HLCS: variants seen among roughly 807,000 people sequenced by gnomAD.
The protein encoded by HLCS is biotin--protein ligase.
HLCS carries 53 observed loss-of-function variants against 75.0 expected under a neutral mutation model. The ratio of observed to expected loss-of-function variants is 0.71; its 90% CI spans 0.57 to 0.89. The LOEUF is 0.89. Among genes scored for constraint, HLCS ranks in the 40% least tolerant of loss-of-function variants. HLCS has a pLI of 0.00. For missense variants in HLCS, 966 were observed against 1,074.0 expected (o/e 0.90, Z 1.41); for synonymous variants, 431 against 428.6 (o/e 1.01, Z -0.07).
At chr21:36,939,074 T>G (rs2067023461) in intron 2 of HLCS, 80 bp from the exon 3 acceptor site, 1 of 1,352,570 alleles carries the variant, frequency 7.4e-7, no homozygotes, top group African/African-American at 1.5e-5. Context: ...CATACTTTAT[T>G]TTTCCCTTGA....
chr21:36,773,135 T>C (rs1000786420), intron 6 of HLCS, among the ~76,000 whole-genome samples: 2 of 152,254 alleles, frequency 1.3e-5, no homozygotes, highest in African/African-American at 4.8e-5. Context: ...ATTTTTATAA[T>C]TGTAGTGCAT....
At chr21:36,859,615 A>G (rs1017101693) in intron 6 of HLCS, among the ~76,000 whole-genome samples, 3 of 152,354 alleles carry the variant, frequency 2.0e-5, no homozygotes, top group East Asian at 1.9e-4. Context: ...GTCTGTCTCA[A>G]ACCCACAGCT....
chr21:36,984,870 C>CT (rs1330585198), intron 1 of HLCS, among the ~76,000 whole-genome samples: 1 of 143,276 alleles, frequency 7.0e-6, no homozygotes, highest in Non-Finnish European at 1.5e-5. Context: ...TTTTCTTTTT[C>CT]TTGTTTTTTT....
At chr21:36,882,355 T>C (rs1179821066) in intron 6 of HLCS, among the ~76,000 whole-genome samples, 2 of 152,096 alleles carry the variant, frequency 1.3e-5, no homozygotes, top group Non-Finnish European at 2.9e-5. Context: ...CCGGAGAGGC[T>C]GAGTGATTCA....
chr21:36,797,814 G>A (rs1256044048), intron 6 of HLCS, among the ~76,000 whole-genome samples: 1 of 152,198 alleles, frequency 6.6e-6, no homozygotes, highest in Non-Finnish European at 1.5e-5. Context: ...TCCTAATTCT[G>A]TGCATTCACA....
intron 6 of HLCS, among the ~76,000 whole-genome samples, chr21:36,817,488 C>G (rs1001876812): frequency 1.3e-5 from 2 of 152,110 alleles, no homozygotes; most frequent in Non-Finnish European, 2.9e-5. Context: ...GATGTGAGAT[C>G]TCCTAATTCT....
chr21:36,759,970 G>T, intron 8 of HLCS, 129 bp from the exon 9 acceptor site: 1 of 729,750 alleles, frequency 1.4e-6, no homozygotes, highest in East Asian at 2.6e-5. Flanking sequence ...TTTTCAGGCA[G>T]CTAATCACTT....
intron 4 of HLCS, among the ~76,000 whole-genome samples, chr21:36,936,061 C>G (rs2066865529): frequency 6.6e-6 from 1 of 152,154 alleles, no homozygotes; most frequent in Non-Finnish European, 1.5e-5. Flanking sequence ...TTTCAACTTC[C>G]TACCTTAAAT....
At chr21:36,987,916 G>C (rs1021462586) in intron 1 of HLCS, among the ~76,000 whole-genome samples, 9 of 152,104 alleles carry the variant, frequency 5.9e-5, no homozygotes, top group Non-Finnish European at 1.2e-4. Flanking sequence ...TTGTAGTTTT[G>C]TTTGTTTACA....
intron 7 of HLCS, among the ~76,000 whole-genome samples, chr21:36,766,824 C>T (rs1489358713): frequency 6.6e-6 from 1 of 152,146 alleles, no homozygotes; most frequent in Non-Finnish European, 1.5e-5. Context: ...GGGGTGAGAA[C>T]TGGCATGCAA....
At chr21:36,934,752 G>A (rs2066802499) in intron 4 of HLCS, among the ~76,000 whole-genome samples, 1 of 152,118 alleles carries the variant, frequency 6.6e-6, no homozygotes, top group Non-Finnish European at 1.5e-5. Flanking sequence ...TATTACAAAG[G>A]TGAAGACTAT....
At chr21:36,852,610 T>A (rs1456061532) in intron 6 of HLCS, among the ~76,000 whole-genome samples, 1 of 152,114 alleles carries the variant, frequency 6.6e-6, no homozygotes, top group African/African-American at 2.4e-5. Flanking sequence ...CCAAAACACA[T>A]TCACACTTCA....
intron 6 of HLCS, among the ~76,000 whole-genome samples, chr21:36,796,995 T>C (rs2061045170): frequency 6.6e-6 from 1 of 152,056 alleles, no homozygotes; most frequent in Admixed American, 6.5e-5. Flanking sequence ...GCCTCCCAAG[T>C]AGCTGGGACT....
intron 1 of HLCS, among the ~76,000 whole-genome samples, chr21:36,963,778 C>G (rs2068431251): frequency 1.3e-5 from 2 of 152,146 alleles, no homozygotes; most frequent in South Asian, 4.1e-4. Context: ...CCACTTTATC[C>G]AAGCATAGAA....
At chr21:36,918,656 A>G (rs531386729) in intron 5 of HLCS, among the ~76,000 whole-genome samples, 12 of 152,252 alleles carry the variant, frequency 7.9e-5, no homozygotes, top group Non-Finnish European at 1.0e-4. Context: ...ACTCATGTTT[A>G]GTTCTGAAAG....
At chr21:36,849,611 G>A (rs1017569887) in intron 6 of HLCS, among the ~76,000 whole-genome samples, 4 of 152,182 alleles carry the variant, frequency 2.6e-5, no homozygotes, top group East Asian at 1.9e-4. Flanking sequence ...AGGGGTAGGG[G>A]TGGTCAGGGC....
In HLCS at chr21:36,780,439, C is replaced by T. The variant is rs183526014; in HGVS notation, c.1893-13154G>A. On this transcript the variant is annotated intron_variant, in intron 6 of 10. Coordinates refer to ENST00000674895, the MANE Select transcript of HLCS (RefSeq NM_001352514.2). ...TTCACCATGTTAGCCAGGATGGTCT[C>T]GATCTCCTGACCTCGTGATCCGCCT... Among the ~76,000 whole-genome samples, 7 of 151,980 alleles carry T rather than the reference C, an allele frequency of 4.6e-5. No individual in the cohort carries two copies. In the East Asian group the frequency reaches 7.7e-4, roughly 17 times the overall value.
At chr21:36,912,559 G>A (rs865915603) in intron 5 of HLCS, among the ~76,000 whole-genome samples, 1 of 152,054 alleles carries the variant, frequency 6.6e-6, no homozygotes, top group African/African-American at 2.4e-5. Context: ...AAAAAGTTTT[G>A]GAAATATAGA....
intron 2 of HLCS, chr21:36,946,176 A>C (rs1347762251): frequency 4.9e-6 from 4 of 809,776 alleles, no homozygotes; most frequent in East Asian, 1.2e-4. Flanking sequence ...TGGGGAGGTG[A>C]AAAAAATCTT....
Sources: allele counts gnomAD v4.1 joint callset (sites outside exome capture counted in the v4.1 genomes callset), GRCh38; gene constraint gnomAD v4.1.1; transcripts MANE v1.5; gene names NCBI Gene and HGNC (gene_info 2026-07-23, HGNC 2026-07-21).